Variants in SEC22C observed in about 807,000 individuals in gnomAD.
SEC22C encodes SEC22 homolog C, vesicle trafficking protein.
A neutral mutation model predicts 34.7 loss-of-function variants in SEC22C; 29 were observed. The ratio of observed to expected loss-of-function variants is 0.84; its 90% CI spans 0.62 to 1.14. SEC22C has a LOEUF of 1.14. Ranked by LOEUF, SEC22C falls within the 50% of genes most tolerant of loss-of-function variation. The pLI is 0.00. For missense variants in SEC22C, 337 were observed against 369.0 expected (o/e 0.91, Z 0.71); for synonymous variants, 117 against 132.8 (o/e 0.88, Z 0.82).
At position 42,579,286 on chromosome 3, in the gene SEC22C, A is replaced by G. The variant is rs141879298; in HGVS notation, c.-28+2560T>C. Among the ~76,000 whole-genome samples the G allele has an allele frequency of 2.5e-3, 380 of 151,840 alleles. 1 individual carries two copies. The highest frequency in any genetic ancestry group is 8.6e-3 in the African/African-American group (357 of 41,402). On this transcript the variant is annotated intron_variant, in intron 1 of 6. Coordinates refer to ENST00000264454, the MANE Select transcript of SEC22C (RefSeq NM_032970.4). The stretch of plus-strand genomic sequence containing the variant: ...GAGCAAAACTCCATCTCAAAACAAA[A>G]CAAAACAAAACAAAACAAAAAACTA...
intron 1 of SEC22C, among the ~76,000 whole-genome samples, chr3:42,598,643 T>A (rs557297555): frequency 6.6e-6 from 1 of 152,032 alleles, no homozygotes; most frequent in African/African-American, 2.4e-5. Flanking sequence ...AGAACAAATA[T>A]TACATGATTT....
chr3:42,597,010 A>G (rs1445439196), intron 1 of SEC22C, among the ~76,000 whole-genome samples: 1 of 152,218 alleles, frequency 6.6e-6, no homozygotes, highest in Non-Finnish European at 1.5e-5. Context: ...CTTTCCTTTC[A>G]TGAATCCATG....
In SEC22C at chr3:42,572,229, A is replaced by G. The variant is rs374512350; in HGVS notation, c.-27-3156T>C. On this transcript the variant is annotated intron_variant, in intron 1 of 6. Transcript: ENST00000264454. ...CAATGGGTACAGACCAAAAAAAAAA[A>G]AAAAGCCAAAAAAACTTTGTTCTCT... Among the ~76,000 whole-genome samples, 53 of 151,962 alleles carry G rather than the reference A, an allele frequency of 3.5e-4. 1 individual carries two copies. The East Asian group carries it at 9.8e-3, about 28-fold the overall frequency.
chr3:42,560,285 G>C (rs1702821297), intron 4 of SEC22C, among the ~76,000 whole-genome samples: 1 of 147,582 alleles, frequency 6.8e-6, no homozygotes, highest in Non-Finnish European at 1.5e-5. Flanking sequence ...TAAACTTGTA[G>C]TTCTGTCAGA....
In SEC22C at chr3:42,548,870, T is replaced by C; in HGVS notation, c.*4378A>G. The C allele has an allele frequency of 1.4e-6, 2 of 1,384,562 alleles. No individual in the cohort carries two copies. Among genetic ancestry groups the C allele is most frequent in the Non-Finnish European group, 1.9e-6 (2 of 1,068,386 alleles). The allele number at this position is 1,384,562 out of a possible 1,614,324, so 85.8% of individuals were successfully genotyped here. On this transcript the variant is annotated 3_prime_UTR_variant, in exon 7 of 7. Coordinates refer to ENST00000264454, the MANE Select transcript of SEC22C (RefSeq NM_032970.4). ...AAAACCTTCATGTACCAGGTGAATG[T>C]AAAGCCTTTCTCCTCCCACACACAA... is the stretch of plus-strand genomic sequence containing the variant.
At position 42,558,362 on chromosome 3, in the gene SEC22C, C is replaced by A. The variant is rs183121140; in HGVS notation, c.527-666G>T. ...ACTTATCCAGGCATGGTGACGCATA[C>A]CTGTAGTCCCAGCTACCTGGGAGGC... On this transcript the variant is annotated intron_variant, in intron 4 of 6. Coordinates refer to ENST00000264454, the MANE Select transcript of SEC22C (RefSeq NM_032970.4). 4.9e-4 allele frequency among the ~76,000 whole-genome samples: 74 copies of A among 151,026 alleles called. 1 individual carries two copies. In the East Asian group the frequency reaches 9.7e-3, roughly 20 times the overall value.
At chr3:42,571,075 C>T (rs546821848) in intron 1 of SEC22C, among the ~76,000 whole-genome samples, 1 of 152,308 alleles carries the variant, frequency 6.6e-6, no homozygotes, top group East Asian at 1.9e-4. Flanking sequence ...TGCACTGACT[C>T]CAACTGTCAA....
intron 1 of SEC22C, chr3:42,591,619 C>A: frequency 6.3e-7 from 1 of 1,589,154 alleles, no homozygotes; most frequent in Non-Finnish European, 8.6e-7. Context: ...CCCCCACCCC[C>A]GCGCCCCTGA....
At chr3:42,560,096 T>C (rs1702785479) in intron 4 of SEC22C, among the ~76,000 whole-genome samples, 2 of 138,704 alleles carry the variant, frequency 1.4e-5, no homozygotes, top group Non-Finnish European at 3.1e-5. Context: ...ATGATAAGGA[T>C]TCTCTCTCTC....
chr3:42,574,405 A>G (rs1051353029), intron 1 of SEC22C, among the ~76,000 whole-genome samples: 1 of 151,792 alleles, frequency 6.6e-6, no homozygotes, highest in African/African-American at 2.4e-5. Context: ...AAATTAAAGC[A>G]TACTTAGATG....
intron 1 of SEC22C, among the ~76,000 whole-genome samples, chr3:42,596,075 G>A (rs576792774): frequency 6.6e-6 from 1 of 151,808 alleles, no homozygotes; most frequent in Non-Finnish European, 1.5e-5. Flanking sequence ...CTGTCGGAGT[G>A]CAGTGGTGCA....
chr3:42,568,041 C>A (rs1559521505), intron 2 of SEC22C, among the ~76,000 whole-genome samples: 3 of 151,742 alleles, frequency 2.0e-5, no homozygotes, highest in African/African-American at 2.4e-5. Context: ...CACTGCACTC[C>A]AGCCTGGGCC....
rs145882963 is a variant in SEC22C at position 42,562,923 on chromosome 3, C to T, written c.346+600G>A. Among the ~76,000 whole-genome samples the T allele has an allele frequency of 1.4e-3, 220 of 152,246 alleles. 1 individual carries two copies. The highest frequency in any genetic ancestry group is 3.4e-3 in the Middle Eastern group (1 of 294). On this transcript the variant is annotated intron_variant, in intron 3 of 6. Transcript: ENST00000264454. ...CAAACCACCGCAGACTGATATTTTG[C>T]TTTAAAAAAAGCAATAAAAAATAAT...
chr3:42,563,593 C>T lies in SEC22C; in HGVS notation c.276G>A (p.Trp92Ter), dbSNP rs1313786146. The stretch of plus-strand genomic sequence containing the variant: ...TAGTGTCATAGGAAGCTGTGAATTC[C>T]CACCACAGGGTCTCCAGGAAGCAGA... ...MAFCFLETLW[W>*]EFTASYDTTC... is the part of the protein sequence containing the mutation. The change falls in exon 3 of 7, where the codon TGG (tryptophan) becomes TGA (stop). Residue 92 changes from tryptophan to a stop codon, truncating the protein, a stop_gained. Transcript: ENST00000264454. LOFTEE classifies it high-confidence loss of function. 2 of 1,614,164 alleles carry T rather than the reference C, an allele frequency of 1.2e-6. No homozygotes were observed. Among genetic ancestry groups the T allele is most frequent in the African/African-American group, 1.3e-5 (1 of 75,048 alleles).
intron 1 of SEC22C, among the ~76,000 whole-genome samples, chr3:42,575,930 C>T (rs1321755663): frequency 6.6e-6 from 1 of 151,996 alleles, no homozygotes; most frequent in East Asian, 1.9e-4. Context: ...AGTCAAGAAA[C>T]CACAGAATGT....
intron 1 of SEC22C, among the ~76,000 whole-genome samples, chr3:42,570,207 C>T (rs751957399): frequency 6.6e-6 from 1 of 152,174 alleles, no homozygotes; most frequent in Admixed American, 6.5e-5. Context: ...CATCTCTGTA[C>T]CTCTATGCAT....
chr3:42,582,006 C>G (rs11926788), upstream of SEC22C: 4,997 of 152,502 alleles, frequency 0.033, 124 homozygotes, highest in Admixed American at 0.046. Context: ...CCACCTCCCC[C>G]CTACCCCGCA....
chr3:42,582,719 AGC>A (rs531543556), upstream of SEC22C, among the ~76,000 whole-genome samples: 32 of 152,288 alleles, frequency 2.1e-4, no homozygotes, highest in South Asian at 4.1e-3. Flanking sequence ...AATTTACAGA[AGC>A]TTCTAGGCTG....
intron 6 of SEC22C, among the ~76,000 whole-genome samples, chr3:42,554,868 A>T (rs954861195): frequency 6.6e-6 from 1 of 152,136 alleles, no homozygotes; most frequent in Non-Finnish European, 1.5e-5. Flanking sequence ...GCCACCCCTT[A>T]GTACACAGCT....
Sources: gnomAD v4.1 joint callset for allele counts (sites outside exome capture counted in the v4.1 genomes callset) on GRCh38, gnomAD v4.1.1 for gene constraint, MANE v1.5 for transcripts, NCBI Gene and HGNC (gene_info 2026-07-23, HGNC 2026-07-21) for gene names.